Variants in SAMD12 observed in about 807,000 individuals in gnomAD.
The protein encoded by SAMD12 is sterile alpha motif domain-containing protein 12.
A neutral mutation model predicts 15.0 loss-of-function variants in SAMD12; 9 were observed. The observed-to-expected ratio is 0.60, with a 90% CI of 0.36 to 1.05. The LOEUF (loss-of-function observed/expected upper bound fraction) is 1.05, where lower values mean the gene tolerates loss of function less well. Among genes scored for constraint, SAMD12 ranks in the 50% least tolerant of loss-of-function variants. SAMD12 has a pLI of 0.01. For synonymous variants in SAMD12, 86 were observed against 90.1 expected (o/e 0.96, Z 0.25); for missense variants, 230 against 234.2 (o/e 0.98, Z 0.12).
chr8:118,520,692 A>C (rs1222639234), intron 2 of SAMD12, among the ~76,000 whole-genome samples: 1 of 152,214 alleles, frequency 6.6e-6, no homozygotes, highest in Non-Finnish European at 1.5e-5. Flanking sequence ...TGGGAGACTC[A>C]TCAATAAGAT....
intron 3 of SAMD12, among the ~76,000 whole-genome samples, chr8:118,415,183 G>C (rs1418131866): frequency 6.6e-6 from 1 of 152,094 alleles, no homozygotes; most frequent in Non-Finnish European, 1.5e-5. Flanking sequence ...CAACTGAAAG[G>C]TTCCATCACC....
At chr8:118,588,489 T>C (rs1827505270) in intron 1 of SAMD12, among the ~76,000 whole-genome samples, 1 of 152,214 alleles carries the variant, frequency 6.6e-6, no homozygotes, top group Admixed American at 6.5e-5. Flanking sequence ...CACATGGGAA[T>C]TACATGAAAT....
In SAMD12 at chr8:118,428,531, C is replaced by T. The variant is rs372968308; in HGVS notation, c.322+11301G>A. On this transcript the variant is annotated intron_variant, in intron 3 of 3. Coordinates refer to ENST00000314727, the MANE Select transcript of SAMD12 (RefSeq NM_207506.3). The stretch of plus-strand genomic sequence containing the variant: ...ATAATTCCTTGCCTATTCTCAAGGT[C>T]GTGAAATTTTCTCTTATGCTTCCTT... Among the ~76,000 whole-genome samples, 11 of 152,160 alleles carry T rather than the reference C, an allele frequency of 7.2e-5. No individual in the cohort carries two copies. In the South Asian group the frequency reaches 1.5e-3, roughly 20 times the overall value.
intron 4 of SAMD12, among the ~76,000 whole-genome samples, chr8:118,232,711 G>A (rs1277074572): frequency 6.6e-6 from 1 of 152,130 alleles, no homozygotes. Flanking sequence ...TGCTGAGGGT[G>A]AGAAAGGGAG....
At chr8:118,198,908 A>C (rs996825249) in intron 4 of SAMD12, among the ~76,000 whole-genome samples, 9 of 152,158 alleles carry the variant, frequency 5.9e-5, no homozygotes, top group African/African-American at 2.2e-4. Flanking sequence ...AAAAAGAAAG[A>C]AGCTATATGC....
intron 2 of SAMD12, among the ~76,000 whole-genome samples, chr8:118,455,631 C>A (rs912181889): frequency 6.6e-6 from 1 of 152,102 alleles, no homozygotes; most frequent in African/African-American, 2.4e-5. Context: ...CTTTAATTCC[C>A]TCTCCATCTT....
chr8:118,504,512 T>C (rs984932392), intron 2 of SAMD12, among the ~76,000 whole-genome samples: 1 of 152,142 alleles, frequency 6.6e-6, no homozygotes, highest in Non-Finnish European at 1.5e-5. Flanking sequence ...GCAGAGGATG[T>C]AGTGGGTTGA....
At chr8:118,397,373 A>G (rs1231081657) in intron 3 of SAMD12, among the ~76,000 whole-genome samples, 3 of 152,216 alleles carry the variant, frequency 2.0e-5, no homozygotes, top group African/African-American at 7.2e-5. Flanking sequence ...GAGATCCCAG[A>G]GAAGTATGGT....
intron 2 of SAMD12, among the ~76,000 whole-genome samples, chr8:118,459,251 A>C (rs913819454): frequency 6.6e-6 from 1 of 152,022 alleles, no homozygotes; most frequent in Non-Finnish European, 1.5e-5. Flanking sequence ...TTTTTAGTGG[A>C]AACGGGGTTT....
intron 4 of SAMD12, among the ~76,000 whole-genome samples, chr8:118,210,279 C>A (rs1819983036): frequency 1.3e-5 from 2 of 152,182 alleles, no homozygotes; most frequent in Admixed American, 6.5e-5. Context: ...ATCAGTTCCG[C>A]TTTGAAATGG....
intron 4 of SAMD12, among the ~76,000 whole-genome samples, chr8:118,317,097 G>A (rs1356355334): frequency 6.6e-6 from 1 of 152,120 alleles, no homozygotes; most frequent in South Asian, 2.1e-4. Flanking sequence ...GACACAGGGA[G>A]AAGACAGCCA....
At chr8:118,426,469 G>T (rs1415778601) in intron 3 of SAMD12, among the ~76,000 whole-genome samples, 1 of 152,218 alleles carries the variant, frequency 6.6e-6, no homozygotes, top group Admixed American at 6.5e-5. Flanking sequence ...TACAGTCCAT[G>T]TGGTTCTCAG....
Position 118,337,419 on chromosome 8 carries a change from C to G in SAMD12, c.433+42141G>C, listed in dbSNP as rs1243598471. Among the ~76,000 whole-genome samples the G allele has an allele frequency of 2.0e-5, 3 of 152,156 alleles. No homozygotes were observed. In the East Asian group the frequency reaches 5.8e-4, roughly 29 times the overall value. ...CTATCTTGTCATGCTTTCTTTATTT[C>G]ACCTTCTAGTCATGTCCTTCAGGGT... On this transcript the variant is annotated intron_variant, in intron 4 of 4. Transcript: ENST00000409003.
chr8:118,174,189 G>A, the SAMD12 span, among the ~76,000 whole-genome samples: 1 of 152,124 alleles, frequency 6.6e-6, no homozygotes, highest in African/African-American at 2.4e-5. Context: ...GGATTCAATG[G>A]GGCAATGTTT....
intron 4 of SAMD12, among the ~76,000 whole-genome samples, chr8:118,370,788 G>A (rs1347094145): frequency 6.6e-6 from 1 of 152,120 alleles, no homozygotes; most frequent in East Asian, 1.9e-4. Context: ...CTGTCAGGGT[G>A]GAGGGTGAGG....
At chr8:118,169,048 G>T in the SAMD12 span, among the ~76,000 whole-genome samples, 1 of 152,060 alleles carries the variant, frequency 6.6e-6, no homozygotes, top group Non-Finnish European at 1.5e-5. Context: ...GAATAATATA[G>T]TGGGGAGGGA....
chr8:118,197,253 T>C (rs1352676858), exon 5 of SAMD12: 3 of 182,734 alleles, frequency 1.6e-5, no homozygotes, highest in African/African-American at 4.7e-5. Flanking sequence ...TTTACATTCC[T>C]ACCAGGGCAT....
exon 5 of SAMD12, chr8:118,192,260 CT>C (rs1294197922): frequency 6.6e-6 from 1 of 152,086 alleles, no homozygotes; most frequent in East Asian, 1.9e-4. Flanking sequence ...TATTACAGAT[CT>C]GTTTGCTCTC....
chr8:118,413,427 C>T (rs186777091), intron 3 of SAMD12, among the ~76,000 whole-genome samples: 1 of 152,256 alleles, frequency 6.6e-6, no homozygotes, highest in African/African-American at 2.4e-5. Flanking sequence ...CTTTTCCTTC[C>T]AGAATGTCCT....
Sources: gnomAD v4.1 joint callset for allele counts (sites outside exome capture counted in the v4.1 genomes callset) on GRCh38, gnomAD v4.1.1 for gene constraint, MANE v1.5 for transcripts, NCBI Gene and HGNC (gene_info 2026-07-23, HGNC 2026-07-21) for gene names.